The following SORBS2 variants were observed in gnomAD, a reference collection of about 807,000 sequenced individuals.
The protein encoded by SORBS2 is sorbin and SH3 domain containing 2.
Under a neutral mutation model 97.7 loss-of-function variants are expected in SORBS2, and 46 were observed. The ratio of observed to expected loss-of-function variants is 0.47; its 90% CI spans 0.37 to 0.60. The LOEUF is 0.60. Ranked by LOEUF, SORBS2 falls within the 20% of genes least tolerant of loss-of-function variation. SORBS2 has a pLI of 0.00. For synonymous variants in SORBS2, 476 were observed against 473.4 expected (o/e 1.01, Z -0.07); for missense variants, 1,316 against 1,282.3 (o/e 1.03, Z -0.40).
intron 4 of SORBS2, among the ~76,000 whole-genome samples, chr4:185,670,064 C>T (rs2097687614): frequency 6.6e-6 from 1 of 151,878 alleles, no homozygotes; most frequent in Non-Finnish European, 1.5e-5. Context: ...ACTAAAAATA[C>T]AAAAATTAGC....
At chr4:185,850,029 A>C (rs1443470572) in intron 1 of SORBS2, among the ~76,000 whole-genome samples, 1 of 152,200 alleles carries the variant, frequency 6.6e-6, no homozygotes. Context: ...ATAAGCCTTC[A>C]ATTCTTCAGG....
At chr4:185,875,068 G>C (rs909487838) in intron 1 of SORBS2, among the ~76,000 whole-genome samples, 44 of 152,080 alleles carry the variant, frequency 2.9e-4, no homozygotes, top group Admixed American at 2.8e-3. Flanking sequence ...CTAATACCAG[G>C]AAGTATGTCC....
At chr4:185,671,592 G>A (rs2097712817) in intron 4 of SORBS2, among the ~76,000 whole-genome samples, 1 of 152,178 alleles carries the variant, frequency 6.6e-6, no homozygotes, top group Non-Finnish European at 1.5e-5. Flanking sequence ...CTCAAAAAAA[G>A]GAGAATCATG....
rs539517770 is a variant in SORBS2 at position 185,684,673 on chromosome 4, C to T, written c.-197-5851G>A. 168 of 1,049,412 alleles carry T rather than the reference C, an allele frequency of 1.6e-4. No homozygotes were observed. In the African/African-American group the frequency reaches 2.5e-3, roughly 16 times the overall value. 65.0% of individuals were successfully genotyped at this position (1,049,412 alleles called of 1,614,324 possible). A position where few individuals can be genotyped will look rare whatever the true frequency, so the allele number is the denominator to read the frequency against. Reference sequence around the variant, plus strand: ...TCCTACAAGATCTCATTTTCCTTTGCTTTTTACGTTTAGAACAAAAACAGT... The same window carrying T: ...TCCTACAAGATCTCATTTTCCTTTGTTTTTTACGTTTAGAACAAAAACAGT... On this transcript the variant is annotated intron_variant, in intron 2 of 20. Coordinates refer to the SORBS2 transcript ENST00000284776. The surrounding 1 kb of genome is among the most constrained non-coding windows in gnomAD (Gnocchi z 4.2).
intron 1 of SORBS2, among the ~76,000 whole-genome samples, chr4:185,841,964 C>T (rs1164396125): frequency 6.6e-6 from 1 of 152,200 alleles, no homozygotes; most frequent in African/African-American, 2.4e-5. Context: ...ATTCAGCATT[C>T]ATGATTTACT....
intron 4 of SORBS2, chr4:185,677,067 T>G: frequency 6.4e-7 from 1 of 1,551,636 alleles, no homozygotes; most frequent in Non-Finnish European, 8.7e-7. Context: ...AAGAGGTATC[T>G]TTGCAGTCTC....
At chr4:185,700,825 C>A (rs185250155) in intron 2 of SORBS2, among the ~76,000 whole-genome samples, 1 of 152,170 alleles carries the variant, frequency 6.6e-6, no homozygotes, top group Non-Finnish European at 1.5e-5. Context: ...TCTTACCCCC[C>A]ACATATGTTC....
intron 4 of SORBS2, among the ~76,000 whole-genome samples, chr4:185,634,097 A>C (rs928521309): frequency 6.6e-6 from 1 of 152,202 alleles, no homozygotes; most frequent in Non-Finnish European, 1.5e-5. Context: ...ATAACCCAGA[A>C]TGTTCCTGAT....
chr4:185,750,561 A>G (rs2098792671), intron 2 of SORBS2, among the ~76,000 whole-genome samples: 1 of 152,252 alleles, frequency 6.6e-6, no homozygotes, highest in Admixed American at 6.5e-5. Flanking sequence ...GCTGCTGTGC[A>G]GTCCCCAACA....
chr4:185,709,366 T>C (rs1410531727), intron 2 of SORBS2, among the ~76,000 whole-genome samples: 1 of 140,396 alleles, frequency 7.1e-6, no homozygotes, highest in Non-Finnish European at 1.5e-5. Context: ...ATAAAGAAAC[T>C]TACATTTTGT....
chr4:185,650,775 G>T (rs911479017), intron 2 of SORBS2, among the ~76,000 whole-genome samples: 1 of 152,052 alleles, frequency 6.6e-6, no homozygotes, highest in Non-Finnish European at 1.5e-5. Flanking sequence ...TTTGGTGGGC[G>T]TGGGAGCAGG....
chr4:185,707,704 G>A (rs1562035350), intron 2 of SORBS2, among the ~76,000 whole-genome samples: 1 of 152,184 alleles, frequency 6.6e-6, no homozygotes, highest in African/African-American at 2.4e-5. Flanking sequence ...GTTCCACATG[G>A]CTGGGGAGGC....
At chr4:185,707,592 C>A (rs868726525) in intron 2 of SORBS2, among the ~76,000 whole-genome samples, 12 of 151,910 alleles carry the variant, frequency 7.9e-5, no homozygotes, top group African/African-American at 2.2e-4. Context: ...CTTGTTCTCA[C>A]AATTCCGTGG....
intron 11 of SORBS2, among the ~76,000 whole-genome samples, chr4:185,612,480 T>G (rs912967185): frequency 2.7e-4 from 41 of 149,798 alleles, no homozygotes; most frequent in Non-Finnish European, 5.3e-4. Flanking sequence ...CCGTTTTCTT[T>G]TTTTATTTCT....
intron 1 of SORBS2, among the ~76,000 whole-genome samples, chr4:185,780,702 G>A (rs756741154): frequency 9.2e-5 from 14 of 152,142 alleles, no homozygotes; most frequent in Non-Finnish European, 1.8e-4. Context: ...CAAATCATAC[G>A]TCCAATGACT....
At chr4:185,905,946 C>T (rs543129524) in intron 1 of SORBS2, among the ~76,000 whole-genome samples, 2 of 152,338 alleles carry the variant, frequency 1.3e-5, no homozygotes, top group South Asian at 2.1e-4. Context: ...GACCCTCTGC[C>T]TCCTTCTCAT....
chr4:185,673,928 C>T (rs1283900245), intron 4 of SORBS2, among the ~76,000 whole-genome samples: 3 of 152,148 alleles, frequency 2.0e-5, no homozygotes, highest in Admixed American at 1.3e-4. Flanking sequence ...CCACATTTTC[C>T]CAGATTTCCT....
intron 1 of SORBS2, among the ~76,000 whole-genome samples, chr4:185,910,185 G>C (rs1196987680): frequency 6.6e-6 from 1 of 151,984 alleles, no homozygotes; most frequent in Non-Finnish European, 1.5e-5. Flanking sequence ...GCAGAATAAA[G>C]GACACTACAA....
At chr4:185,746,056 A>G (rs1583985202) in intron 2 of SORBS2, among the ~76,000 whole-genome samples, 1 of 152,368 alleles carries the variant, frequency 6.6e-6, no homozygotes, top group East Asian at 1.9e-4. Flanking sequence ...ACAGAAGCAT[A>G]GAGGGAAAAG....
Sources: allele counts gnomAD v4.1 joint callset (sites outside exome capture counted in the v4.1 genomes callset), GRCh38; gene constraint gnomAD v4.1.1; non-coding constraint Gnocchi (gnomAD v3.1); transcripts MANE v1.5; gene names NCBI Gene and HGNC (gene_info 2026-07-23, HGNC 2026-07-21).